Variants in GABBR2 observed in about 807,000 individuals in gnomAD.
GABBR2 encodes the protein G-protein coupled receptor 51.
Under a neutral mutation model 105.6 loss-of-function variants are expected in GABBR2, and 23 were observed. The ratio of observed to expected loss-of-function variants is 0.22; its 90% CI spans 0.16 to 0.31. The LOEUF (loss-of-function observed/expected upper bound fraction) is 0.31, where lower values mean the gene tolerates loss of function less well. Ranked by LOEUF, GABBR2 falls within the 10% of genes least tolerant of loss-of-function variation. The pLI is 1.00. For missense variants in GABBR2, 734 were observed against 1,245.5 expected, an observed-to-expected ratio of 0.59 and a Z score of 6.18; for synonymous variants, 478 against 499.7, an observed-to-expected ratio of 0.96 and a Z score of 0.58.
intron 1 of GABBR2, among the ~76,000 whole-genome samples, chr9:98,647,801 A>G (rs1307122209): frequency 6.6e-6 from 1 of 152,218 alleles, no homozygotes; most frequent in Non-Finnish European, 1.5e-5. Context: ...TACTCAAGTG[A>G]TGTTAAAATA....
At chr9:98,400,461 C>T (rs933936641) in intron 8 of GABBR2, among the ~76,000 whole-genome samples, 15 of 152,130 alleles carry the variant, frequency 9.9e-5, no homozygotes. Context: ...TGCAGAGCAA[C>T]CTGGCAGGTT....
chr9:98,426,926 CG>C (rs1227499200), intron 7 of GABBR2, among the ~76,000 whole-genome samples: 1 of 152,064 alleles, frequency 6.6e-6, no homozygotes, highest in African/African-American at 2.4e-5. Context: ...TTGCTTGAGC[CG>C]GGGAGGTGGA....
At chr9:98,545,692 TA>T (rs1828384722) in intron 2 of GABBR2, among the ~76,000 whole-genome samples, 1 of 152,168 alleles carries the variant, frequency 6.6e-6, no homozygotes, top group African/African-American at 2.4e-5. Context: ...TTGGAATAAG[TA>T]GACTGCAGCC....
chr9:98,293,825 T>A lies in GABBR2; in HGVS notation c.2620A>T (p.Thr874Ser). 6.2e-7 allele frequency: 1 copy of A among 1,610,392 alleles called. No individual in the cohort carries two copies. Among genetic ancestry groups the A allele is most frequent in the Non-Finnish European group, 8.5e-7 (1 of 1,176,796 alleles). Reference sequence around the variant, plus strand: ...ATATCTTCTATAGGATCTTTGCATGTTCGAGAGGGCTCTGTTGTGTTCCAC... The same window carrying A: ...ATATCTTCTATAGGATCTTTGCATGATCGAGAGGGCTCTGTTGTGTTCCAC... ...LQWNTTEPSRTCKDPIEDINS... is the reference protein window; with the variant it reads ...LQWNTTEPSRSCKDPIEDINS... Residue 874 changes from threonine (T) to serine (S), a missense_variant, in exon 18 of 19, where the codon ACA becomes TCA. Physicochemically the swap from Thr to Ser is moderately conservative, Grantham distance 58. This residue lies in a region of GABBR2 where 134 missense variants were observed against 171.2 expected (regional missense o/e 0.78). Coordinates refer to ENST00000259455, the MANE Select transcript of GABBR2 (RefSeq NM_005458.8).
At chr9:98,430,510 C>T (rs921404884) in intron 7 of GABBR2, among the ~76,000 whole-genome samples, 4 of 152,202 alleles carry the variant, frequency 2.6e-5, no homozygotes, top group African/African-American at 4.8e-5. Context: ...TCCCACCCAA[C>T]GTGGTGGGAA....
At chr9:98,447,063 C>CTTTTTTTT (rs369338702) in intron 7 of GABBR2, among the ~76,000 whole-genome samples, 4,034 of 115,872 alleles carry the variant, frequency 0.035, 346 homozygotes, top group African/African-American at 0.096. Flanking sequence ...AAAAAGACTT[C>CTTTTTTTT]TTTTTTTTTT....
intron 4 of GABBR2, among the ~76,000 whole-genome samples, chr9:98,486,003 G>T (rs1476444230): frequency 6.6e-6 from 1 of 152,158 alleles, no homozygotes; most frequent in Admixed American, 6.5e-5. Flanking sequence ...CTGTGCTCCG[G>T]AGACCCCTGT....
intron 3 of GABBR2, among the ~76,000 whole-genome samples, chr9:98,518,247 A>G (rs1050807530): frequency 6.6e-6 from 1 of 152,170 alleles, no homozygotes; most frequent in African/African-American, 2.4e-5. Flanking sequence ...GCCTCTGCCT[A>G]AAGTACTTCA....
intron 2 of GABBR2, among the ~76,000 whole-genome samples, chr9:98,563,634 A>C (rs1400997761): frequency 6.6e-6 from 1 of 152,216 alleles, no homozygotes; most frequent in Non-Finnish European, 1.5e-5. Flanking sequence ...GTCATGTTAG[A>C]AGAGGCTAAG....
intron 7 of GABBR2, among the ~76,000 whole-genome samples, chr9:98,436,331 TACACACACACACACACC>T (rs1433085857): frequency 1.1e-3 from 30 of 26,290 alleles, no homozygotes; most frequent in East Asian, 2.2e-3. Flanking sequence ...TATATATATA[TACACACACACACACACC>T]ATATATATAT....
intron 8 of GABBR2, among the ~76,000 whole-genome samples, chr9:98,398,606 C>T (rs904891296): frequency 5.3e-5 from 8 of 152,112 alleles, no homozygotes; most frequent in Admixed American, 3.9e-4. Context: ...CAGATCACTT[C>T]GGCTCCTGCT....
Position 98,575,202 on chromosome 9 carries a change from G to A in GABBR2, c.459+2733C>T, listed in dbSNP as rs1437916897. ...AAGGGGAAGTGATAGGCTTTCTAGG[G>A]CCCTACTTTAGCAGCCCCCTAGGAG... On this transcript the variant is annotated intron_variant, in intron 2 of 18. Coordinates refer to ENST00000259455, the MANE Select transcript of GABBR2 (RefSeq NM_005458.8). Among the ~76,000 whole-genome samples, 5 of 152,234 alleles carry A rather than the reference G, an allele frequency of 3.3e-5. No homozygotes were observed. The Middle Eastern group carries it at 0.01, about 311-fold the overall frequency.
chr9:98,327,961 T>C (rs1830953049), intron 13 of GABBR2, among the ~76,000 whole-genome samples: 1 of 148,264 alleles, frequency 6.7e-6, no homozygotes, highest in African/African-American at 2.5e-5. Flanking sequence ...AGCAGATATG[T>C]AGTTTTGAGG....
At chr9:98,582,368 C>T (rs10819060) in intron 1 of GABBR2, among the ~76,000 whole-genome samples, 31,645 of 152,142 alleles carry the variant, frequency 0.21, 4,262 homozygotes, top group East Asian at 0.53. Flanking sequence ...AGAAACTGAA[C>T]TCTGCCAATA....
intron 1 of GABBR2, among the ~76,000 whole-genome samples, chr9:98,641,750 C>T (rs1829965513): frequency 6.6e-6 from 1 of 152,146 alleles, no homozygotes; most frequent in Admixed American, 6.5e-5. Context: ...CTGCTTCCCC[C>T]AAACAAGACC....
At chr9:98,456,217 C>A (rs1826323827) in intron 6 of GABBR2, among the ~76,000 whole-genome samples, 1 of 152,266 alleles carries the variant, frequency 6.6e-6, no homozygotes, top group Non-Finnish European at 1.5e-5. Context: ...TCTCTTTAAA[C>A]CTTTTGGGTC....
chr9:98,446,629 G>C (rs16916134), intron 7 of GABBR2, among the ~76,000 whole-genome samples: 9,992 of 152,188 alleles, frequency 0.066, 752 homozygotes, highest in African/African-American at 0.19. Flanking sequence ...AATTTCACTG[G>C]AACTACCTGG....
chr9:98,693,088 C>T (rs1458684585), intron 1 of GABBR2, among the ~76,000 whole-genome samples: 3 of 152,180 alleles, frequency 2.0e-5, no homozygotes, highest in South Asian at 2.1e-4. Context: ...CCGGACACCT[C>T]GAGGTTCCTC....
intron 13 of GABBR2, among the ~76,000 whole-genome samples, chr9:98,361,338 G>A (rs954343259): frequency 8.6e-5 from 13 of 151,906 alleles, no homozygotes; most frequent in African/African-American, 3.2e-4. Flanking sequence ...AGGATTAAAT[G>A]AGTTAACGCA....
Sources: allele counts gnomAD v4.1 joint callset (sites outside exome capture counted in the v4.1 genomes callset), GRCh38; gene constraint gnomAD v4.1.1; regional missense constraint gnomAD v4.1.1; transcripts MANE v1.5; gene names NCBI Gene and HGNC (gene_info 2026-07-23, HGNC 2026-07-21).